The following SYNE1 variants were observed in gnomAD, a reference collection of about 807,000 sequenced individuals.
SYNE1 encodes the protein nesprin-1.
Under a neutral mutation model 1,111.0 loss-of-function variants are expected in SYNE1, and 616 were observed. That is an observed-to-expected ratio of 0.55 (90% CI 0.52 to 0.59). The LOEUF (loss-of-function observed/expected upper bound fraction) is 0.59. Among genes scored for constraint, SYNE1 ranks in the 20% least tolerant of loss-of-function variants. The probability of loss-of-function intolerance (pLI) is 0.00; values close to 1 mark genes in which losing one functional copy is unlikely to be tolerated. For synonymous variants in SYNE1, 3,855 were observed against 3,825.8 expected (o/e 1.01, Z -0.28); for missense variants, 10,006 against 10,417.0 (o/e 0.96, Z 1.72).
chr6:152,343,631 C>T (rs202032023), intron 74 of SYNE1, among the ~76,000 whole-genome samples: 1 of 151,940 alleles, frequency 6.6e-6, no homozygotes, highest in Non-Finnish European at 1.5e-5. Flanking sequence ...CAGGTTCAAG[C>T]GATTCTCCTG....
At chr6:152,543,368 G>C (rs1178476194) in intron 3 of SYNE1, among the ~76,000 whole-genome samples, 1 of 151,906 alleles carries the variant, frequency 6.6e-6, no homozygotes, top group African/African-American at 2.4e-5. Flanking sequence ...CTATTTTCCT[G>C]AAAGAAAAAA....
chr6:152,255,759 A>G lies in SYNE1; in HGVS notation c.19105-13T>C. On this transcript the variant is annotated splice_polypyrimidine_tract_variant and intron_variant, in intron 102 of 145. Coordinates refer to ENST00000367255, the MANE Select transcript of SYNE1 (RefSeq NM_182961.4). ...TTGCCCCTCCACTCTGGGAAACACAAAACAGGGTCAAATAATCAATTTCAG... is the reference window on the plus strand; with the variant it reads ...TTGCCCCTCCACTCTGGGAAACACAGAACAGGGTCAAATAATCAATTTCAG... 6.2e-7 allele frequency: 1 copy of G among 1,614,132 alleles called. No homozygotes were observed. The highest frequency in any genetic ancestry group is 8.5e-7 in the Non-Finnish European group (1 of 1,179,958).
chr6:152,505,272 C>G lies in SYNE1; in HGVS notation c.707G>C (p.Arg236Pro), dbSNP rs200704755. The G allele has an allele frequency of 6.2e-7, 1 of 1,614,004 alleles. No individual in the cohort carries two copies. Among genetic ancestry groups the G allele is most frequent in the African/African-American group, 1.3e-5 (1 of 74,924 alleles). ...DLETVKGRSN[R>P]ENLEDAFTIA... ...AGTGAAAGCATCCTCCAAATTTTCT[C>G]GGTTGGATCTGCCTTTCACTGTCTC... Residue 236 changes from arginine (R) to proline (P), a missense_variant, in exon 9 of 146, where the codon CGA (arginine) becomes CCA (proline). Arg to Pro is a moderately radical substitution (Grantham distance 103). This residue lies in a region of SYNE1 where 1,971 missense variants were observed against 2,084.1 expected (regional missense o/e 0.95). Coordinates refer to ENST00000367255, the MANE Select transcript of SYNE1 (RefSeq NM_182961.4).
Position 152,362,372 on chromosome 6 carries a change from A to C in SYNE1, c.10146-49T>G, listed in dbSNP as rs764835460. The C allele has an allele frequency of 2.5e-6, 4 of 1,612,698 alleles. No individual in the cohort carries two copies. In the South Asian group the frequency reaches 4.4e-5, roughly 18 times the overall value. On this transcript the variant is annotated intron_variant, in intron 63 of 145. Transcript: ENST00000367255. ...TAAATCCACATTGAGAATCCTTAGG[A>C]GTCTAAAATGTCATTGTGTCTGCTC...
chr6:152,349,624 C>T (rs2096707104), intron 72 of SYNE1, among the ~76,000 whole-genome samples: 1 of 152,244 alleles, frequency 6.6e-6, no homozygotes, highest in South Asian at 2.1e-4. Flanking sequence ...CTTCTTGATT[C>T]ACTTGAATAT....
rs79289308 is a variant in SYNE1, at chr6:152,206,133, G to T, written c.23019+35C>A. 61 of 1,602,058 alleles carry T rather than the reference G, an allele frequency of 3.8e-5. 1 individual carries two copies. Among genetic ancestry groups the T allele is most frequent in the Non-Finnish European group, 4.8e-5 (56 of 1,171,460 alleles). On this transcript the variant is annotated intron_variant, in intron 126 of 145. Transcript: ENST00000367255. ...GAGGAAGTAGTACAACGACTAAAAG[G>T]GTTTTTTGGTTCGTTTTTTTCTAAC...
rs763930147 is a variant in SYNE1 at position 152,326,414 on chromosome 6, G to A, written c.15175C>T (p.Leu5059=). The change falls in exon 79 of 146, where the codon CTG becomes TTG. Residue 5059 remains leucine (L), a synonymous_variant. Coordinates refer to ENST00000367255, the MANE Select transcript of SYNE1 (RefSeq NM_182961.4). ...LEELHSLVAT[L]DPLIKPTGKE... ...CCGGTTGGCTTGATGAGTGGGTCCA[G>A]GGTGGCTACCAGGCTGTGGAGCTCC... 1.0e-4 allele frequency: 165 copies of A among 1,614,076 alleles called. No individual in the cohort carries two copies. The highest frequency in any genetic ancestry group is 1.3e-4 in the Non-Finnish European group (155 of 1,180,040).
rs530489861 is a variant in SYNE1 at position 152,222,235 on chromosome 6, T to C, written c.21523-676A>G. The stretch of plus-strand genomic sequence containing the variant: ...CTCTTGCAGCAGCCAGAAGTGTGAG[T>C]GGCACCCTCCTGCAGAAGTAAATTT... On this transcript the variant is annotated intron_variant, in intron 117 of 145. Coordinates refer to ENST00000367255, the MANE Select transcript of SYNE1 (RefSeq NM_182961.4). Among the ~76,000 whole-genome samples, 8 of 152,312 alleles carry C rather than the reference T, an allele frequency of 5.3e-5. No homozygotes were observed. The East Asian group carries it at 7.7e-4, about 15-fold the overall frequency.
chr6:152,472,296 C>CGT lies in SYNE1; in HGVS notation c.1463+4_1463+5insAC. ...GACTTCCTTTAAATGCAGATATTCT[C>CGT]TTACCTCTCGGCCATGTCCTCTAAT... On this transcript the variant is annotated splice_donor_region_variant and intron_variant, in intron 15 of 145. Coordinates refer to ENST00000367255, the MANE Select transcript of SYNE1 (RefSeq NM_182961.4). 1 of 1,608,382 alleles carries CGT rather than the reference C, an allele frequency of 6.2e-7. No individual in the cohort carries two copies.
At position 152,256,764 on chromosome 6, in the gene SYNE1, A is replaced by G. The variant is rs201361687; in HGVS notation, c.18974T>C (p.Leu6325Pro). ...CAAGAGTCGATTTGGCCTGCTATAAAGCTGTAGGCAAACAAAGGCAGCTTG... is the reference window on the plus strand; with the variant it reads ...CAAGAGTCGATTTGGCCTGCTATAAGGCTGTAGGCAAACAAAGGCAGCTTG... ...NVLEQEQEQVLYSRPNRLLSG... is the reference protein window; with the variant it reads ...NVLEQEQEQVPYSRPNRLLSG... Residue 6325 changes from leucine (L) to proline (P), a missense_variant and splice_region_variant, in exon 102 of 146, where the codon CTT (leucine) becomes CCT (proline). Physicochemically the swap from Leu to Pro is moderately conservative, Grantham distance 98. This residue lies in a region of SYNE1 where 2,182 missense variants were observed against 2,287.8 expected (regional missense o/e 0.95). Transcript: ENST00000367255. The G allele has an allele frequency of 4.7e-5, 76 of 1,613,514 alleles. No individual in the cohort carries two copies. Among genetic ancestry groups the G allele is most frequent in the Non-Finnish European group, 6.1e-5 (72 of 1,179,686 alleles).
chr6:152,233,477 G>A (rs959704726), intron 112 of SYNE1, among the ~76,000 whole-genome samples: 3 of 151,810 alleles, frequency 2.0e-5, no homozygotes, highest in East Asian at 1.9e-4. Flanking sequence ...GGCGCACACC[G>A]CCACGCCAGG....
chr6:152,233,843 T>C lies in SYNE1; in HGVS notation c.20650A>G (p.Ile6884Val), dbSNP rs752179906. 9.3e-6 allele frequency: 15 copies of C among 1,614,106 alleles called. No homozygotes were observed. The highest frequency in any genetic ancestry group is 1.2e-5 in the Non-Finnish European group (14 of 1,180,050). The change falls in exon 112 of 146, where the codon ATT becomes GTT. Residue 6884 changes from isoleucine (I) to valine (V), a missense_variant. Physicochemically the swap from Ile to Val is conservative, Grantham distance 29. Transcript: ENST00000367255. ...TATLRSELSR[I>V]DSQWTDLLTN... Reference sequence around the variant, plus strand: ...AGCAGGTCAGTCCACTGGCTATCAATGCGCGACAGCTCAGAGCGCAGCGTG... The same window carrying C: ...AGCAGGTCAGTCCACTGGCTATCAACGCGCGACAGCTCAGAGCGCAGCGTG...
intron 3 of SYNE1, among the ~76,000 whole-genome samples, chr6:152,598,275 T>C (rs759722915): frequency 6.6e-6 from 1 of 151,142 alleles, no homozygotes; most frequent in Non-Finnish European, 1.5e-5. Flanking sequence ...TAAAGGGGAG[T>C]TTCCCTGCAC....
At chr6:152,467,176 T>A (rs2098775048) in intron 16 of SYNE1, among the ~76,000 whole-genome samples, 1 of 152,098 alleles carries the variant, frequency 6.6e-6, no homozygotes. Flanking sequence ...AGGGATAAAG[T>A]GAATAGAGAA....
chr6:152,567,148 T>C (rs1038656966), intron 3 of SYNE1, among the ~76,000 whole-genome samples: 1 of 152,088 alleles, frequency 6.6e-6, no homozygotes, highest in Non-Finnish European at 1.5e-5. Context: ...AGATTTACTG[T>C]TTAAGTGTCA....
chr6:152,515,043 G>A (rs1475273898), intron 6 of SYNE1, among the ~76,000 whole-genome samples: 2 of 152,062 alleles, frequency 1.3e-5, no homozygotes, highest in African/African-American at 2.4e-5. Context: ...CCAATGTGGT[G>A]AAACTCTGTC....
intron 48 of SYNE1, 142 bp downstream of exon 48, chr6:152,399,474 G>T: frequency 2.0e-6 from 2 of 1,004,948 alleles, no homozygotes; most frequent in Non-Finnish European, 3.2e-6. Context: ...CACTTCTATT[G>T]CTCAAATCGC....
At chr6:152,132,875 T>G in intron 143 of SYNE1, among the ~76,000 whole-genome samples, 1 of 43,784 alleles carries the variant, frequency 2.3e-5, no homozygotes, top group East Asian at 1.7e-3. Context: ...GTTTTTTAAT[T>G]TTTTTTTTTT....
intron 4 of SYNE1, among the ~76,000 whole-genome samples, chr6:152,527,823 T>C (rs1358320284): frequency 1.3e-5 from 2 of 152,230 alleles, no homozygotes; most frequent in Non-Finnish European, 2.9e-5. Flanking sequence ...CATCTTCATC[T>C]GTTTCGATTT....
Sources: allele counts gnomAD v4.1 joint callset (sites outside exome capture counted in the v4.1 genomes callset), GRCh38; gene constraint gnomAD v4.1.1; regional missense constraint gnomAD v4.1.1; transcripts MANE v1.5; gene names NCBI Gene and HGNC (gene_info 2026-07-23, HGNC 2026-07-21).